The following CCDC62 variants were observed in gnomAD, a reference collection of about 807,000 sequenced individuals.
CCDC62 encodes coiled-coil domain-containing protein 62.
A neutral mutation model predicts 80.8 loss-of-function variants in CCDC62; 72 were observed. The observed-to-expected ratio is 0.89, with a 90% CI of 0.74 to 1.08. The LOEUF is 1.08. Among genes scored for constraint, CCDC62 ranks in the 50% least tolerant of loss-of-function variants. CCDC62 has a pLI of 0.00. For missense variants in CCDC62, 704 were observed against 809.4 expected (o/e 0.87, Z 1.58); for synonymous variants, 286 against 296.5 (o/e 0.96, Z 0.36).
chr12:122,798,354 G>T (rs1277052217), intron 8 of CCDC62, among the ~76,000 whole-genome samples, 154 bp downstream of exon 8: 1 of 152,210 alleles, frequency 6.6e-6, no homozygotes, highest in Non-Finnish European at 1.5e-5. Flanking sequence ...TGTAATCCCA[G>T]CACTTTGGGA....
intron 11 of CCDC62, among the ~76,000 whole-genome samples, chr12:122,816,649 C>T (rs944672106): frequency 1.3e-5 from 2 of 152,166 alleles, no homozygotes; most frequent in Admixed American, 1.3e-4. Flanking sequence ...AGGAGGATCA[C>T]TTGATCCTGG....
chr12:122,808,992 A>G (rs145401490), intron 10 of CCDC62, among the ~76,000 whole-genome samples: 1,743 of 152,234 alleles, frequency 0.011, 33 homozygotes, highest in African/African-American at 0.039. Flanking sequence ...TTTAACTTTC[A>G]TTCCCCTAAT....
intron 3 of CCDC62, among the ~76,000 whole-genome samples, chr12:122,781,585 T>C (rs1879868008): frequency 1.3e-5 from 2 of 151,740 alleles, no homozygotes; most frequent in African/African-American, 4.8e-5. Context: ...CTCAGGAGGC[T>C]GAGGCAGGAG....
chr12:122,801,837 A>G lies in CCDC62; in HGVS notation c.1691A>G (p.His564Arg), dbSNP rs781261329. The G allele has an allele frequency of 3.2e-5, 51 of 1,613,658 alleles. No individual in the cohort carries two copies. The highest frequency in any genetic ancestry group is 1.3e-5 in the African/African-American group (1 of 74,920). ...TCSESICGTQ[H>R]DSPASELIAI... is the part of the protein sequence containing the mutation. ...TCAGAAAGCATCTGTGGCACACAAC[A>G]TGACTCCCCGGCAAGGTGAGTAACG... The change falls in exon 9 of 13, where the codon CAT (histidine) becomes CGT (arginine). Residue 564 changes from histidine (H) to arginine (R), a missense_variant. Coordinates refer to ENST00000253079, the MANE Select transcript of CCDC62 (RefSeq NM_201435.5).
At chr12:122,826,384 T>C (rs755968998) in intron 12 of CCDC62, 38 bp from the exon 13 acceptor site, 2 of 776,320 alleles carry the variant, frequency 2.6e-6, no homozygotes, top group East Asian at 4.9e-5. Flanking sequence ...TAATTGATTG[T>C]ATTTTATTAA....
At chr12:122,789,264 G>A (rs1042587811) in intron 5 of CCDC62, among the ~76,000 whole-genome samples, 1 of 152,160 alleles carries the variant, frequency 6.6e-6, no homozygotes, top group Non-Finnish European at 1.5e-5. Context: ...AAACCCACAT[G>A]TCTAGAGGCA....
At chr12:122,826,050 T>C (rs935024187) in intron 12 of CCDC62, among the ~76,000 whole-genome samples, 6 of 151,518 alleles carry the variant, frequency 4.0e-5, no homozygotes. Context: ...AAAACGTGTA[T>C]TGACCCAGTA....
intron 11 of CCDC62, among the ~76,000 whole-genome samples, chr12:122,815,593 C>T (rs2032133625): frequency 6.6e-6 from 1 of 152,016 alleles, no homozygotes; most frequent in East Asian, 1.9e-4. Context: ...ACTACAGGCG[C>T]CCGCCACCAC....
intron 6 of CCDC62, among the ~76,000 whole-genome samples, chr12:122,794,218 C>T (rs1339359052): frequency 6.6e-6 from 1 of 152,128 alleles, no homozygotes; most frequent in East Asian, 1.9e-4. Context: ...TTATCATATA[C>T]TAAGCAGATT....
rs1226917020 is a variant in CCDC62, at chr12:122,774,683, G to A, written c.13G>A (p.Ala5Thr). Reference sequence around the variant, plus strand: ...GGAGGAAACACCTATGAACCCTCCGGCAGCCTTCCTTGCCGGGCGCCAGGT... The same window carrying A: ...GGAGGAAACACCTATGAACCCTCCGACAGCCTTCCTTGCCGGGCGCCAGGT... MNPP[A>T]AFLAGRQNIG... is the part of the protein sequence containing the mutation. Residue 5 changes from alanine (A) to threonine (T), a missense_variant, in exon 1 of 13, where the codon GCA becomes ACA. Physicochemically the swap from Ala to Thr is moderately conservative, Grantham distance 58. Transcript: ENST00000253079. The A allele has an allele frequency of 2.1e-5, 27 of 1,256,170 alleles. No homozygotes were observed. Among genetic ancestry groups the A allele is most frequent in the Non-Finnish European group, 2.6e-5 (26 of 991,454 alleles). 77.8% of individuals were successfully genotyped at this position (1,256,170 alleles called of 1,614,324 possible). A position where few individuals can be genotyped will look rare whatever the true frequency, so the allele number is the denominator to read the frequency against.
At chr12:122,791,135 G>T (rs148773482) in intron 5 of CCDC62, among the ~76,000 whole-genome samples, 1 of 151,644 alleles carries the variant, frequency 6.6e-6, no homozygotes, top group Non-Finnish European at 1.5e-5. Flanking sequence ...TTTATTTTTA[G>T]TTTTATTTAT....
chr12:122,774,766 C>T lies in CCDC62; in HGVS notation c.36+60C>T, dbSNP rs1002142157. On this transcript the variant is annotated intron_variant, in intron 1 of 12. Coordinates refer to ENST00000253079, the MANE Select transcript of CCDC62 (RefSeq NM_201435.5). ...GGGAACGGTGCACATTGGTCGAAATCTATTGCTTCTCAAGAACGGTGTCTA... is the reference window on the plus strand; with the variant it reads ...GGGAACGGTGCACATTGGTCGAAATTTATTGCTTCTCAAGAACGGTGTCTA... 3 of 1,178,466 alleles carry T rather than the reference C, an allele frequency of 2.5e-6. No individual in the cohort carries two copies. The African/African-American group carries it at 4.8e-5, about 19-fold the overall frequency. 73.0% of individuals were successfully genotyped at this position (1,178,466 alleles called of 1,614,324 possible). A position where few individuals can be genotyped will look rare whatever the true frequency, so the allele number is the denominator to read the frequency against.
At chr12:122,804,262 G>A (rs189808019) in intron 9 of CCDC62, among the ~76,000 whole-genome samples, 57 of 152,170 alleles carry the variant, frequency 3.7e-4, no homozygotes, top group Admixed American at 2.9e-3. Context: ...AAACTCAGGC[G>A]GATCACCTGA....
chr12:122,787,553 C>T (rs569109103), intron 4 of CCDC62, among the ~76,000 whole-genome samples: 24 of 151,440 alleles, frequency 1.6e-4, no homozygotes, highest in Non-Finnish European at 3.5e-4. Flanking sequence ...AGATTGAGAC[C>T]ATCCTGGCTA....
chr12:122,817,599 C>T lies in CCDC62; in HGVS notation c.2001+4180C>T, dbSNP rs539954627. Among the ~76,000 whole-genome samples, 190 of 152,290 alleles carry T rather than the reference C, an allele frequency of 1.2e-3. 1 individual carries two copies. The highest frequency in any genetic ancestry group is 4.1e-3 in the African/African-American group (171 of 41,562). On this transcript the variant is annotated intron_variant, in intron 11 of 12. Coordinates refer to ENST00000253079, the MANE Select transcript of CCDC62 (RefSeq NM_201435.5). ...TTGGCCTCCCAATGTGCTGGGATTA[C>T]AGGCGTGAGCCACTATGCCTGGCCC... is the stretch of plus-strand genomic sequence containing the variant.
At chr12:122,793,054 C>A (rs908166636) in intron 6 of CCDC62, among the ~76,000 whole-genome samples, 2 of 152,146 alleles carry the variant, frequency 1.3e-5, no homozygotes, top group African/African-American at 2.4e-5. Context: ...ATGAAGCCAA[C>A]CCAGCCACCA....
chr12:122,812,217 T>C (rs528000183), intron 10 of CCDC62, among the ~76,000 whole-genome samples: 1 of 151,260 alleles, frequency 6.6e-6, no homozygotes, highest in South Asian at 2.1e-4. Context: ...TCGAGGCGGA[T>C]GGATCACTGG....
In CCDC62 at chr12:122,787,228, G is replaced by A. The variant is rs144387090; in HGVS notation, c.498+1408G>A. 8.1e-3 allele frequency among the ~76,000 whole-genome samples: 1,228 copies of A among 152,158 alleles called. 45 individuals are homozygous for A. Among genetic ancestry groups the A allele is most frequent in the East Asian group, 0.079 (409 of 5,156 alleles). ...TTTGGGAAGCTGAGGTGGGTGGATC[G>A]CTTGAGGTCAGGAGTTTGAGACTAG... is the stretch of plus-strand genomic sequence containing the variant. On this transcript the variant is annotated intron_variant, in intron 4 of 12. Transcript: ENST00000253079.
chr12:122,796,603 A>C lies in CCDC62; in HGVS notation c.773-704A>C, dbSNP rs2030971382. 2.0e-5 allele frequency among the ~76,000 whole-genome samples: 3 copies of C among 152,070 alleles called. No homozygotes were observed. In the South Asian group the frequency reaches 6.2e-4, roughly 32 times the overall value. ...CCGGGCATGGTGGCTCATGCCTGTAATCCCAGCATTTTGGGAGGCTGAGGC... is the reference window on the plus strand; with the variant it reads ...CCGGGCATGGTGGCTCATGCCTGTACTCCCAGCATTTTGGGAGGCTGAGGC... On this transcript the variant is annotated intron_variant, in intron 6 of 12. Transcript: ENST00000253079.
Sources: gnomAD v4.1 joint callset for allele counts (sites outside exome capture counted in the v4.1 genomes callset) on GRCh38, gnomAD v4.1.1 for gene constraint, MANE v1.5 for transcripts, NCBI Gene and HGNC (gene_info 2026-07-23, HGNC 2026-07-21) for gene names.